The following PRKN variants were observed in gnomAD, a reference collection of about 807,000 sequenced individuals.
The protein encoded by PRKN is parkin RBR E3 ubiquitin protein ligase.
A neutral mutation model predicts 59.5 loss-of-function variants in PRKN; 56 were observed. That is an observed-to-expected ratio of 0.94 (90% CI 0.76 to 1.18). The LOEUF (loss-of-function observed/expected upper bound fraction) is 1.18. PRKN is among the 50% of genes most tolerant of loss of function. The pLI, the probability that PRKN is intolerant of heterozygous loss-of-function variation, is 0.00. For synonymous variants in PRKN, 250 were observed against 222.1 expected, an observed-to-expected ratio of 1.13 and a Z score of -1.12; for missense variants, 657 against 596.4, an observed-to-expected ratio of 1.10 and a Z score of -1.06.
intron 4 of PRKN, among the ~76,000 whole-genome samples, chr6:162,160,112 C>T (rs1782690876): frequency 1.3e-5 from 2 of 152,116 alleles, no homozygotes; most frequent in Admixed American, 6.6e-5. Flanking sequence ...CAAAGACAAG[C>T]ATGCACAGAC....
intron 9 of PRKN, among the ~76,000 whole-genome samples, chr6:161,449,022 A>C (rs532673388): frequency 6.6e-6 from 1 of 152,322 alleles, no homozygotes; most frequent in African/African-American, 2.4e-5. Context: ...GCTTACTTAC[A>C]GGTGTTATGA....
intron 6 of PRKN, among the ~76,000 whole-genome samples, chr6:161,897,201 C>A (rs1466811119): frequency 6.6e-6 from 1 of 152,220 alleles, no homozygotes; most frequent in Non-Finnish European, 1.5e-5. Flanking sequence ...ACGTGGCATT[C>A]ATTCCTAACT....
At chr6:162,182,613 C>T (rs1355788396) in intron 4 of PRKN, among the ~76,000 whole-genome samples, 1 of 152,200 alleles carries the variant, frequency 6.6e-6, no homozygotes, top group African/African-American at 2.4e-5. Context: ...TACCACTCAG[C>T]CAGCTCCCAT....
At chr6:162,032,167 A>G (rs1239991759) in intron 5 of PRKN, among the ~76,000 whole-genome samples, 1 of 152,164 alleles carries the variant, frequency 6.6e-6, no homozygotes, top group Non-Finnish European at 1.5e-5. Flanking sequence ...AAATGTTTAT[A>G]TTTAAGAAGC....
At chr6:162,087,029 A>G (rs779636616) in intron 4 of PRKN, among the ~76,000 whole-genome samples, 4 of 152,218 alleles carry the variant, frequency 2.6e-5, no homozygotes, top group Non-Finnish European at 5.9e-5. Context: ...GAGGTTCCCA[A>G]TTGCATACTT....
intron 7 of PRKN, among the ~76,000 whole-genome samples, chr6:161,703,944 C>T (rs916724812): frequency 1.4e-5 from 2 of 145,060 alleles, no homozygotes; most frequent in Non-Finnish European, 3.0e-5. Context: ...CAACCTCCAC[C>T]TTCCAGGTTC....
intron 2 of PRKN, among the ~76,000 whole-genome samples, chr6:162,307,202 C>A (rs1442807322): frequency 6.6e-6 from 1 of 151,928 alleles, no homozygotes; most frequent in Admixed American, 6.6e-5. Context: ...GAGTTCGAGA[C>A]CAGCCTGGCC....
intron 6 of PRKN, among the ~76,000 whole-genome samples, chr6:161,874,770 A>AAT (rs1554237923): frequency 1.8e-5 from 2 of 112,414 alleles, no homozygotes; most frequent in Non-Finnish European, 3.2e-5. Context: ...TAAAATATAT[A>AAT]ATATATAAAA....
intron 1 of PRKN, among the ~76,000 whole-genome samples, chr6:162,630,189 G>C (rs574169092): frequency 3.3e-5 from 5 of 152,212 alleles, no homozygotes; most frequent in Non-Finnish European, 7.4e-5. Flanking sequence ...GTGTATAAAA[G>C]CCAAAAAGAT....
At chr6:161,450,705 C>G (rs1026287135) in intron 9 of PRKN, among the ~76,000 whole-genome samples, 1 of 151,954 alleles carries the variant, frequency 6.6e-6, no homozygotes, top group Non-Finnish European at 1.5e-5. Context: ...TACAGGTGCC[C>G]GCCACCACAC....
intron 9 of PRKN, among the ~76,000 whole-genome samples, chr6:161,490,014 G>T (rs933686272): frequency 2.8e-4 from 43 of 152,312 alleles, no homozygotes; most frequent in African/African-American, 7.2e-4. Flanking sequence ...TGTTCCTGCA[G>T]TGGCATCAAG....
chr6:161,736,470 C>T (rs1035334064), intron 7 of PRKN, among the ~76,000 whole-genome samples: 7 of 152,220 alleles, frequency 4.6e-5, no homozygotes, highest in Non-Finnish European at 1.0e-4. Context: ...CCTGGATAAA[C>T]ACTGTGACAA....
In PRKN at chr6:161,407,734, AG is replaced by A. The variant is rs1787343822; in HGVS notation, c.1084-20858del. Among the ~76,000 whole-genome samples, 2 of 152,178 alleles carry A rather than the reference AG, an allele frequency of 1.3e-5. No individual in the cohort carries two copies. Among genetic ancestry groups the A allele is most frequent in the African/African-American group, 2.4e-5 (1 of 41,444 alleles). On this transcript the variant is annotated intron_variant, in intron 9 of 11. Coordinates refer to ENST00000366898, the MANE Select transcript of PRKN (RefSeq NM_004562.3). The surrounding 1 kb of genome is among the most constrained non-coding windows in gnomAD (Gnocchi z 4.9). ...AGAAAAACCACAAAAGAAGTGAAAC[AG>A]CCAGCTCCTGCCATAACTGATTGAC...
rs1180636201 is a variant in PRKN, at chr6:162,390,396, T to TATATATATATATATATATATATACAC, written c.171+52913_171+52914insGTGTATATATATATATATATATATAT. Among the ~76,000 whole-genome samples, 340 of 83,842 alleles carry TATATATATATATATATATATATACAC rather than the reference T, an allele frequency of 4.1e-3. 1 individual carries two copies. Among genetic ancestry groups the TATATATATATATATATATATATACAC allele is most frequent in the East Asian group, 6.1e-3 (19 of 3,096 alleles). 55.0% of individuals were successfully genotyped at this position (83,842 alleles called of 152,430 possible). ...TAAGGTATATATATATATATATATA[T>TATATATATATATATATATATATACAC]ACACACACACACACACACACACACA... On this transcript the variant is annotated intron_variant, in intron 2 of 11. Transcript: ENST00000366898.
At chr6:162,226,559 G>C (rs1583227736) in intron 3 of PRKN, among the ~76,000 whole-genome samples, 1 of 152,192 alleles carries the variant, frequency 6.6e-6, no homozygotes, top group African/African-American at 2.4e-5. Flanking sequence ...TTTGTAGAGA[G>C]AGCCTTGCTC....
At chr6:162,687,210 G>C (rs1206806608) in intron 1 of PRKN, among the ~76,000 whole-genome samples, 11 of 136,424 alleles carry the variant, frequency 8.1e-5, no homozygotes, top group South Asian at 4.7e-4. Flanking sequence ...TTTTGAGACA[G>C]AGTTTCACTC....
chr6:161,427,124 T>C (rs975614135), intron 9 of PRKN, among the ~76,000 whole-genome samples: 2 of 152,008 alleles, frequency 1.3e-5, no homozygotes, highest in Non-Finnish European at 2.9e-5. Context: ...GTTCAAGCAA[T>C]CCTCCCACCT....
chr6:162,076,181 C>T (rs1778819547), intron 4 of PRKN, among the ~76,000 whole-genome samples: 1 of 151,968 alleles, frequency 6.6e-6, no homozygotes, highest in Non-Finnish European at 1.5e-5. Context: ...GTTGGCCAGA[C>T]TGGTCTCGAA....
intron 1 of PRKN, among the ~76,000 whole-genome samples, chr6:162,723,281 G>A (rs1234554668): frequency 6.6e-6 from 1 of 152,122 alleles, no homozygotes; most frequent in African/African-American, 2.4e-5. Flanking sequence ...AGAATGAGAA[G>A]TTTTCTTCTA....
Sources: gnomAD v4.1 joint callset for allele counts (sites outside exome capture counted in the v4.1 genomes callset) on GRCh38, gnomAD v4.1.1 for gene constraint, Gnocchi (gnomAD v3.1) non-coding constraint, MANE v1.5 for transcripts, NCBI Gene and HGNC (gene_info 2026-07-23, HGNC 2026-07-21) for gene names.